Variants in C10orf90 observed in about 807,000 individuals in gnomAD.
C10orf90 encodes (E2-independent) E3 ubiquitin-conjugating enzyme FATS.
C10orf90 carries 56 observed loss-of-function variants against 62.5 expected under a neutral mutation model. That is an observed-to-expected ratio of 0.90 (90% CI 0.72 to 1.12). C10orf90 has a LOEUF of 1.12. Ranked by LOEUF, C10orf90 falls within the 50% of genes most tolerant of loss-of-function variation. C10orf90 has a pLI of 0.00. For synonymous variants in C10orf90, 386 were observed against 340.4 expected, an observed-to-expected ratio of 1.13 and a Z score of -1.47; for missense variants, 970 against 880.4, an observed-to-expected ratio of 1.10 and a Z score of -1.29.
At position 126,562,701 on chromosome 10, in the gene C10orf90, C is replaced by G. The variant is rs61864682; in HGVS notation, c.314-48762G>C. On this transcript the variant is annotated intron_variant, in intron 2 of 9. Coordinates refer to ENST00000488181, the MANE Select transcript of C10orf90 (RefSeq NM_001350921.2). The stretch of plus-strand genomic sequence containing the variant: ...ACCAGTTGTGTGGTTACAGACAATT[C>G]TCCTATAGCCTGCTGCTAAGAGGCC... Among the ~76,000 whole-genome samples the G allele has an allele frequency of 6.1e-3, 926 of 152,290 alleles. 6 individuals are homozygous for G. Among genetic ancestry groups the G allele is most frequent in the Non-Finnish European group, 0.011 (739 of 68,022 alleles).
chr10:126,570,280 T>A (rs1844479664), intron 2 of C10orf90, among the ~76,000 whole-genome samples: 1 of 152,224 alleles, frequency 6.6e-6, no homozygotes. Context: ...AAGAGTTATG[T>A]GCATTTTCAA....
chr10:126,606,122 G>A (rs1285332642), intron 2 of C10orf90, among the ~76,000 whole-genome samples: 1 of 152,170 alleles, frequency 6.6e-6, no homozygotes, highest in Non-Finnish European at 1.5e-5. Context: ...ACTGCACCCT[G>A]GGAACCCAGG....
At chr10:126,653,940 G>T (rs1484849037) in intron 1 of C10orf90, among the ~76,000 whole-genome samples, 1 of 152,172 alleles carries the variant, frequency 6.6e-6, no homozygotes, top group Non-Finnish European at 1.5e-5. Context: ...TGGGTACATT[G>T]TCAATGAGCG....
At chr10:126,474,859 C>T (rs1332155485) in intron 4 of C10orf90, among the ~76,000 whole-genome samples, 1 of 152,222 alleles carries the variant, frequency 6.6e-6, no homozygotes, top group African/African-American at 2.4e-5. Context: ...AGATGGCCTG[C>T]AGGCCTCCCC....
chr10:126,649,034 G>GTCTCTCAA (rs1846229770), intron 1 of C10orf90, among the ~76,000 whole-genome samples: 5 of 26,596 alleles, frequency 1.9e-4, no homozygotes, highest in African/African-American at 5.4e-4. Flanking sequence ...CTCTGTCTCT[G>GTCTCTCAA]TCTCTCTCTC....
chr10:126,502,082 CACCACACA>C (rs1564837373), intron 4 of C10orf90, among the ~76,000 whole-genome samples: 10 of 149,272 alleles, frequency 6.7e-5, no homozygotes, highest in African/African-American at 1.5e-4. Flanking sequence ...CACACACACA[CACCACACA>C]ACCACACACA....
chr10:126,545,139 C>T (rs1864462189), intron 2 of C10orf90, among the ~76,000 whole-genome samples: 1 of 152,138 alleles, frequency 6.6e-6, no homozygotes, highest in Non-Finnish European at 1.5e-5. Context: ...TCCTAACACC[C>T]TTGTTCGATC....
intron 4 of C10orf90, chr10:126,469,834 T>C (rs1269312557): frequency 2.2e-6 from 1 of 456,582 alleles, no homozygotes; most frequent in Admixed American, 2.3e-5. Flanking sequence ...TGGGTGTCTG[T>C]TGAACACCCA....
intron 2 of C10orf90, among the ~76,000 whole-genome samples, chr10:126,626,027 G>A (rs771536316): frequency 1.3e-5 from 2 of 151,934 alleles, no homozygotes; most frequent in Non-Finnish European, 2.9e-5. Context: ...TACTTGGGAG[G>A]CTGAGGCAGG....
At chr10:126,647,304 G>C (rs1846191326) in intron 1 of C10orf90, among the ~76,000 whole-genome samples, 1 of 152,200 alleles carries the variant, frequency 6.6e-6, no homozygotes, top group Non-Finnish European at 1.5e-5. Context: ...CAAAGCTGGA[G>C]AGCAACTGTC....
intron 2 of C10orf90, among the ~76,000 whole-genome samples, chr10:126,644,166 C>G (rs940609517): frequency 3.9e-5 from 6 of 152,238 alleles, no homozygotes; most frequent in Admixed American, 6.5e-5. Flanking sequence ...TCACCTTCCC[C>G]CACCTTAGAT....
intron 7 of C10orf90, among the ~76,000 whole-genome samples, chr10:126,446,892 G>T (rs1042558413): frequency 1.3e-5 from 2 of 152,074 alleles, no homozygotes; most frequent in African/African-American, 2.4e-5. Context: ...AATGTGAGGA[G>T]AGGAAGTAAA....
In C10orf90 at chr10:126,461,597, G is replaced by A; in HGVS notation, c.1826-12C>T. 6.2e-7 allele frequency: 1 copy of A among 1,604,248 alleles called. No homozygotes were observed. The highest frequency in any genetic ancestry group is 2.3e-5 in the East Asian group (1 of 44,384). ...GCATGTGTAATCTCCTAGGAGAGAAGATTTAGAATCCCATTTAGAGGGCAC... is the reference window on the plus strand; with the variant it reads ...GCATGTGTAATCTCCTAGGAGAGAAAATTTAGAATCCCATTTAGAGGGCAC... On this transcript the variant is annotated splice_polypyrimidine_tract_variant and intron_variant, in intron 5 of 9. Coordinates refer to ENST00000488181, the MANE Select transcript of C10orf90 (RefSeq NM_001350921.2).
chr10:126,599,475 A>G (rs1845153686), intron 2 of C10orf90, among the ~76,000 whole-genome samples: 1 of 150,296 alleles, frequency 6.7e-6, no homozygotes, highest in African/African-American at 2.4e-5. Flanking sequence ...GCTGGATTCC[A>G]CTCTTAAAGA....
At chr10:126,530,756 C>T (rs376189889) in intron 2 of C10orf90, among the ~76,000 whole-genome samples, 13 of 151,858 alleles carry the variant, frequency 8.6e-5, no homozygotes, top group East Asian at 7.7e-4. Flanking sequence ...AGAAAACATG[C>T]CAACCCTACA....
intron 4 of C10orf90, among the ~76,000 whole-genome samples, chr10:126,473,454 TC>T (rs1451000463): frequency 6.6e-6 from 1 of 152,168 alleles, no homozygotes. Flanking sequence ...GTAGAAAAAG[TC>T]CTTTGTGAGA....
intron 2 of C10orf90, among the ~76,000 whole-genome samples, chr10:126,563,452 G>A (rs528667740): frequency 3.7e-4 from 57 of 152,188 alleles, no homozygotes; most frequent in Non-Finnish European, 5.3e-4. Flanking sequence ...GGTGTGCAGC[G>A]TGGGAAAGAA....
chr10:126,432,595 G>A (rs1404298766), intron 7 of C10orf90, among the ~76,000 whole-genome samples: 1 of 152,176 alleles, frequency 6.6e-6, no homozygotes, highest in African/African-American at 2.4e-5. Flanking sequence ...ACCAAGACCC[G>A]AATGACCAAA....
At position 126,514,274 on chromosome 10, in the gene C10orf90, T is replaced by C. The variant is rs138300384; in HGVS notation, c.314-335A>G. Among the ~76,000 whole-genome samples, 152 of 152,308 alleles carry C rather than the reference T, an allele frequency of 1.0e-3. 1 individual carries two copies. Among genetic ancestry groups the C allele is most frequent in the African/African-American group, 3.4e-3 (143 of 41,548 alleles). On this transcript the variant is annotated intron_variant, in intron 2 of 9. Coordinates refer to ENST00000488181, the MANE Select transcript of C10orf90 (RefSeq NM_001350921.2). ...ATACTCAGCAGAAGAGAGACTCACA[T>C]CTATAGATGTCCCAACATCACTAGA...
Sources: gnomAD v4.1 joint callset for allele counts (sites outside exome capture counted in the v4.1 genomes callset) on GRCh38, gnomAD v4.1.1 for gene constraint, MANE v1.5 for transcripts, NCBI Gene and HGNC (gene_info 2026-07-23, HGNC 2026-07-21) for gene names.